CELSR1: variants seen among roughly 807,000 people sequenced by gnomAD.
The protein encoded by CELSR1 is cadherin EGF LAG seven-pass G-type receptor 1.
CELSR1 carries 110 observed loss-of-function variants against 249.1 expected under a neutral mutation model. The ratio of observed to expected loss-of-function variants is 0.44; its 90% CI spans 0.38 to 0.52. The LOEUF is 0.52. Among genes scored for constraint, CELSR1 ranks in the 20% least tolerant of loss-of-function variants. CELSR1 has a pLI of 0.00. For synonymous variants in CELSR1, 2,113 were observed against 1,900.0 expected (o/e 1.11, Z -2.92); for missense variants, 4,109 against 4,296.4 (o/e 0.96, Z 1.22).
Position 46,399,883 on chromosome 22 carries a change from T to A in CELSR1, c.5246A>T (p.Gln1749Leu). The change falls in exon 10 of 35, where the codon CAG becomes CTG. Residue 1749 changes from glutamine to leucine, a missense_variant. This residue lies in a region of CELSR1 where 1,805 missense variants were observed against 1,831.6 expected (regional missense o/e 0.99). Coordinates refer to ENST00000674500, the MANE Select transcript of CELSR1 (RefSeq NM_001378328.1). This position sits in a 1 kb window ranked among gnomAD's most constrained non-coding sequence, Gnocchi z 5.0. ...FRLQILNNYL[Q>L]FEVSHGPSDV... ...GGAGGGGCCGTGGGACACCTCAAAC[T>A]GGAGGTAGTTGTTCAGGATCTGGAG... The A allele has an allele frequency of 6.2e-7, 1 of 1,614,000 alleles. No homozygotes were observed. Among genetic ancestry groups the A allele is most frequent in the Non-Finnish European group, 8.5e-7 (1 of 1,179,950 alleles).
Position 46,411,584 on chromosome 22 carries a change from C to T in CELSR1, c.4769+18G>A, listed in dbSNP as rs770938941. On this transcript the variant is annotated intron_variant, in intron 6 of 34. Coordinates refer to ENST00000674500, the MANE Select transcript of CELSR1 (RefSeq NM_001378328.1). This position sits in a 1 kb window ranked among gnomAD's most constrained non-coding sequence, Gnocchi z 4.2. ...TGGGGGTACGGACCCCCAGGGCCTC[C>T]CCTCCTGGGATGCTCACTTCTTGGA... The T allele has an allele frequency of 5.6e-6, 9 of 1,613,668 alleles. 1 individual carries two copies. In the South Asian group the frequency reaches 9.9e-5, roughly 18 times the overall value.
intron 20 of CELSR1, among the ~76,000 whole-genome samples, chr22:46,383,108 G>C (rs1413941602): frequency 3.9e-5 from 6 of 152,156 alleles, no homozygotes; most frequent in African/African-American, 1.4e-4. Context: ...CCCCGCCCTT[G>C]GTAATGAGCG....
intron 9 of CELSR1, among the ~76,000 whole-genome samples, chr22:46,404,411 CAAAAAA>C (rs897590784): frequency 7.0e-6 from 1 of 142,772 alleles, no homozygotes; most frequent in African/African-American, 2.6e-5. Flanking sequence ...GACTCCATTT[CAAAAAA>C]AAAAGAAAAA....
intron 1 of CELSR1, among the ~76,000 whole-genome samples, chr22:46,486,737 G>A (rs2080316635): frequency 6.6e-6 from 1 of 151,828 alleles, no homozygotes; most frequent in South Asian, 2.1e-4. Context: ...CAGCTACTCG[G>A]GAGGCTGCAG....
chr22:46,470,632 T>G (rs2080146383), intron 1 of CELSR1, among the ~76,000 whole-genome samples: 1 of 152,124 alleles, frequency 6.6e-6, no homozygotes, highest in Non-Finnish European at 1.5e-5. Flanking sequence ...TGAAATTACT[T>G]TTTACTTAAG....
rs149373238 is a variant in CELSR1, at chr22:46,476,449, AGCC to A, written c.3545-12107_3545-12105del. ...CATCTCTACCAAAATATAAAAAATTAGCCAGGCGTGGTGGTGCACACCTGTGGT... is the reference window on the plus strand; with the variant it reads ...CATCTCTACCAAAATATAAAAAATTAAGGCGTGGTGGTGCACACCTGTGGT... On this transcript the variant is annotated intron_variant, in intron 1 of 34. Transcript: ENST00000674500. 4.4e-3 allele frequency among the ~76,000 whole-genome samples: 672 copies of A among 152,194 alleles called. 2 individuals carry two copies. The highest frequency in any genetic ancestry group is 7.7e-3 in the Non-Finnish European group (527 of 68,016).
At chr22:46,373,239 C>T (rs1173510334) in intron 24 of CELSR1, among the ~76,000 whole-genome samples, 182 bp from the exon 25 acceptor site, 1 of 152,202 alleles carries the variant, frequency 6.6e-6, no homozygotes, top group Non-Finnish European at 1.5e-5. Context: ...AATCAACATC[C>T]ACGGAGCAGC....
chr22:46,464,124 T>A lies in CELSR1; in HGVS notation c.3766A>T (p.Asn1256Tyr). Residue 1256 changes from asparagine (N) to tyrosine (Y), a missense_variant, in exon 2 of 35, where the codon AAC (asparagine) becomes TAC (tyrosine). Around this residue, in one of 7 missense-constraint regions of CELSR1, gnomAD observed 141 missense variants for 209.4 expected, o/e 0.67. Transcript: ENST00000674500. This position sits in a 1 kb window ranked among gnomAD's most constrained non-coding sequence, Gnocchi z 8.5. ...NVQNDTDVSSNILNVTFSALL... is the reference protein window; with the variant it reads ...NVQNDTDVSSYILNVTFSALL... ...GCCGAGAAGGTCACGTTCAGGATGT[T>A]GGAGCTGACGTCGGTGTCGTTCTGG... is the stretch of plus-strand genomic sequence containing the variant. The A allele has an allele frequency of 6.2e-7, 1 of 1,613,836 alleles. No homozygotes were observed. The highest frequency in any genetic ancestry group is 8.5e-7 in the Non-Finnish European group (1 of 1,180,038).
intron 2 of CELSR1, among the ~76,000 whole-genome samples, chr22:46,461,860 G>A (rs2080032536): frequency 6.6e-6 from 1 of 152,264 alleles, no homozygotes; most frequent in South Asian, 2.1e-4. Context: ...CTGGCTCGGG[G>A]AAGGGGCGCT....
chr22:46,432,253 G>T (rs1220404457), intron 5 of CELSR1, among the ~76,000 whole-genome samples: 1 of 152,258 alleles, frequency 6.6e-6, no homozygotes, highest in Non-Finnish European at 1.5e-5. Context: ...GAGAGTGAAA[G>T]CCAGTGGAGG....
In CELSR1 at chr22:46,409,187, C is replaced by A; in HGVS notation, c.5060-25G>T. 1 of 1,607,914 alleles carries A rather than the reference C, an allele frequency of 6.2e-7. No individual in the cohort carries two copies. Among genetic ancestry groups the A allele is most frequent in the Non-Finnish European group, 8.5e-7 (1 of 1,178,032 alleles). Reference sequence around the variant, plus strand: ...GCTGCGGACACAGGCCCAGGGACCTCAGGTGTCTCCCGAAATCACACGGCC... The same window carrying A: ...GCTGCGGACACAGGCCCAGGGACCTAAGGTGTCTCCCGAAATCACACGGCC... On this transcript the variant is annotated intron_variant, in intron 8 of 34. Coordinates refer to ENST00000674500, the MANE Select transcript of CELSR1 (RefSeq NM_001378328.1). This position sits in a 1 kb window ranked among gnomAD's most constrained non-coding sequence, Gnocchi z 9.8.
intron 2 of CELSR1, among the ~76,000 whole-genome samples, chr22:46,463,333 T>C (rs1203694472): frequency 6.6e-6 from 1 of 152,002 alleles, no homozygotes; most frequent in African/African-American, 2.4e-5. Context: ...CTGACCAACA[T>C]GGCGAAACCC....
chr22:46,406,784 G>C lies in CELSR1; in HGVS notation c.5226+2212C>G, dbSNP rs1462291903. Among the ~76,000 whole-genome samples the C allele has an allele frequency of 6.6e-6, 1 of 152,176 alleles. No individual in the cohort carries two copies. The highest frequency in any genetic ancestry group is 2.4e-5 in the African/African-American group (1 of 41,440). The stretch of plus-strand genomic sequence containing the variant: ...TTCCCGTGTGTGGAACGAGAGCTTG[G>C]AGCAGGCACTCCGTAAAATCCATCT... On this transcript the variant is annotated intron_variant, in intron 9 of 34. Coordinates refer to ENST00000674500, the MANE Select transcript of CELSR1 (RefSeq NM_001378328.1). The surrounding 1 kb of genome is among the most constrained non-coding windows in gnomAD (Gnocchi z 5.4).
chr22:46,518,805 G>A lies in CELSR1; in HGVS notation c.3544+14822C>T, dbSNP rs151094153. 6.5e-3 allele frequency among the ~76,000 whole-genome samples: 989 copies of A among 152,280 alleles called. 14 individuals are homozygous for A. Among genetic ancestry groups the A allele is most frequent in the African/African-American group, 0.021 (885 of 41,548 alleles). ...TCCAGCACTTTGGGAGGCCAAGGCG[G>A]GTGGATCACTTGAGGTCAGGAGTTC... On this transcript the variant is annotated intron_variant, in intron 1 of 34. Coordinates refer to ENST00000674500, the MANE Select transcript of CELSR1 (RefSeq NM_001378328.1). This position sits in a 1 kb window ranked among gnomAD's most constrained non-coding sequence, Gnocchi z 5.2.
At chr22:46,458,492 C>A (rs1389808363) in intron 2 of CELSR1, among the ~76,000 whole-genome samples, 1 of 152,204 alleles carries the variant, frequency 6.6e-6, no homozygotes, top group Non-Finnish European at 1.5e-5. Context: ...GAGGCAGCGT[C>A]ATTAGGTCAT....
rs893209858 is a variant in CELSR1 at position 46,537,505 on chromosome 22, G to A, written c.-335C>T. On this transcript the variant is annotated 5_prime_UTR_variant, in exon 1 of 35. Transcript: ENST00000674500. The surrounding 1 kb of genome is among the most constrained non-coding windows in gnomAD (Gnocchi z 5.8). ...GGCTCCGGCGCGGGCTCGGCCGGACGGGCGTGGGAAGCGGGGCGGGCCCGG... is the reference window on the plus strand; with the variant it reads ...GGCTCCGGCGCGGGCTCGGCCGGACAGGCGTGGGAAGCGGGGCGGGCCCGG... 1.3e-5 allele frequency among the ~76,000 whole-genome samples: 2 copies of A among 148,932 alleles called. No homozygotes were observed. The highest frequency in any genetic ancestry group is 1.9e-4 in the East Asian group (1 of 5,152).
At chr22:46,405,120 C>T (rs1302714379) in intron 9 of CELSR1, among the ~76,000 whole-genome samples, 1 of 151,942 alleles carries the variant, frequency 6.6e-6, no homozygotes, top group Non-Finnish European at 1.5e-5. Flanking sequence ...CCACTGCACC[C>T]AGCCTCCATT....
At chr22:46,455,291 G>A (rs535837596) in intron 2 of CELSR1, among the ~76,000 whole-genome samples, 111 of 152,200 alleles carry the variant, frequency 7.3e-4, no homozygotes, top group African/African-American at 2.5e-3. Context: ...GTGCAGTGGC[G>A]CCATCTCGGC....
rs552565392 is a variant in CELSR1, at chr22:46,533,491, G to T, written c.3544+136C>A. 30 of 1,305,476 alleles carry T rather than the reference G, an allele frequency of 2.3e-5. No individual in the cohort carries two copies. The African/African-American group carries it at 3.6e-4, about 16-fold the overall frequency. 80.9% of individuals were successfully genotyped at this position (1,305,476 alleles called of 1,614,324 possible). A position where few individuals can be genotyped will look rare whatever the true frequency, so the allele number is the denominator to read the frequency against. ...CGCCCACCCCCAGCATCCAACCGGC[G>T]GCAACAAATCCTTGCAGAGTTGCCC... On this transcript the variant is annotated intron_variant, in intron 1 of 34. Coordinates refer to ENST00000674500, the MANE Select transcript of CELSR1 (RefSeq NM_001378328.1).
Sources: gnomAD v4.1 joint callset for allele counts (sites outside exome capture counted in the v4.1 genomes callset) on GRCh38, gnomAD v4.1.1 for gene constraint, gnomAD v4.1.1 regional missense constraint, Gnocchi (gnomAD v3.1) non-coding constraint, MANE v1.5 for transcripts, NCBI Gene and HGNC (gene_info 2026-07-23, HGNC 2026-07-21) for gene names.